PCGF3: variants seen among roughly 807,000 people sequenced by gnomAD.
PCGF3 encodes polycomb group ring finger 3, also known as polycomb group RING finger protein 3.
Under a neutral mutation model 33.1 loss-of-function variants are expected in PCGF3, and 7 were observed. The observed-to-expected ratio is 0.21, with a 90% CI of 0.12 to 0.40. PCGF3 has a LOEUF of 0.40. PCGF3 is among the 10% of genes least tolerant of loss of function. PCGF3 has a pLI of 1.00. For missense variants in PCGF3, 211 were observed against 313.3 expected (o/e 0.67, Z 2.46); for synonymous variants, 153 against 121.3 (o/e 1.26, Z -1.72).
chr4:757,512 C>G (rs980414235), intron 8 of PCGF3: 4 of 152,248 alleles, frequency 2.6e-5, no homozygotes, highest in African/African-American at 9.6e-5. Flanking sequence ...CCATGACATA[C>G]TAATCTAGCT....
At chr4:731,292 G>A in intron 3 of PCGF3, 182 bp downstream of exon 3, 1 of 398,602 alleles carries the variant, frequency 2.5e-6, no homozygotes, top group South Asian at 1.3e-4. Context: ...GCCAGCTGTG[G>A]GGGTCCCAGG....
chr4:742,652 C>G (rs1352917608), intron 6 of PCGF3, among the ~76,000 whole-genome samples: 2 of 152,224 alleles, frequency 1.3e-5, no homozygotes, highest in African/African-American at 4.8e-5. Context: ...GAGGTTCTGG[C>G]CAGCTCTTGC....
intron 1 of PCGF3, among the ~76,000 whole-genome samples, chr4:718,683 G>A (rs888076329): frequency 5.3e-5 from 8 of 152,174 alleles, no homozygotes; most frequent in Non-Finnish European, 7.4e-5. Context: ...CTCTAATGCA[G>A]GCAACACCCT....
chr4:763,951 C>T (rs892337971), intron 9 of PCGF3, among the ~76,000 whole-genome samples: 7 of 152,152 alleles, frequency 4.6e-5, no homozygotes, highest in African/African-American at 1.2e-4. Context: ...AGAGAAGCCC[C>T]TCTGAAAAGG....
At chr4:723,433 G>C (rs1029373642) in intron 1 of PCGF3, among the ~76,000 whole-genome samples, 11 of 152,224 alleles carry the variant, frequency 7.2e-5, no homozygotes, top group Admixed American at 5.9e-4. Context: ...TGGGTGACCA[G>C]AGTGGGGTGC....
chr4:755,832 T>G (rs77937203), intron 8 of PCGF3, among the ~76,000 whole-genome samples: 3,309 of 151,938 alleles, frequency 0.022, 57 homozygotes, highest in Non-Finnish European at 0.034. Context: ...TTGCAATGAT[T>G]TATTTTACCA....
chr4:716,321 T>A (rs1742835578), intron 1 of PCGF3, among the ~76,000 whole-genome samples: 1 of 140,374 alleles, frequency 7.1e-6, no homozygotes. Flanking sequence ...TGGGACCCTG[T>A]GGACACTGCG....
rs899515328 is a variant in PCGF3 at position 751,785 on chromosome 4, G to T, written c.462+7097G>T. On this transcript the variant is annotated intron_variant, in intron 8 of 10. Transcript: ENST00000362003. ...ACCCCTGGCTGGGCTCCAGCTCTAG[G>T]TTTGTTCAGCAGCCAACTCAGAGCA... Among the ~76,000 whole-genome samples the T allele has an allele frequency of 7.9e-5, 12 of 152,338 alleles. 1 individual carries two copies. Among genetic ancestry groups the T allele is most frequent in the African/African-American group, 2.9e-4 (12 of 41,576 alleles).
chr4:751,760 AC>A (rs1744524365), intron 8 of PCGF3, among the ~76,000 whole-genome samples: 1 of 152,162 alleles, frequency 6.6e-6, no homozygotes, highest in African/African-American at 2.4e-5. Context: ...TGGCCCTCCC[AC>A]CCCTGGCTGG....
chr4:739,385 T>C (rs1743986600), intron 6 of PCGF3, among the ~76,000 whole-genome samples: 1 of 151,996 alleles, frequency 6.6e-6, no homozygotes, highest in African/African-American at 2.4e-5. Context: ...AGGGATAGGG[T>C]TTTGCTGTGT....
exon 11 of PCGF3, chr4:766,219 A>G: frequency 1.5e-6 from 1 of 656,524 alleles, no homozygotes; most frequent in East Asian, 2.8e-5. Context: ...TATGAGAGAG[A>G]ATTCACACTC....
intron 1 of PCGF3, among the ~76,000 whole-genome samples, chr4:711,942 ACT>A (rs1192705547): frequency 2.1e-5 from 3 of 140,506 alleles, no homozygotes; most frequent in East Asian, 2.2e-4. Context: ...GAAGAGTGAG[ACT>A]CTGTCTGAAA....
At chr4:765,949 T>C in intron 10 of PCGF3, 83 bp from the exon 11 acceptor site, 1 of 1,298,382 alleles carries the variant, frequency 7.7e-7, no homozygotes, top group Non-Finnish European at 1.1e-6. Flanking sequence ...GGGACGTGAT[T>C]CCTCAGCACC....
intron 8 of PCGF3, among the ~76,000 whole-genome samples, chr4:760,422 G>C (rs1350122577): frequency 6.9e-6 from 1 of 144,458 alleles, no homozygotes; most frequent in African/African-American, 2.6e-5. Context: ...AGAATCTGTG[G>C]TTCAGCCATC....
rs1577400819 is a variant in PCGF3 at position 720,820 on chromosome 4, G to A, written c.-189-9810G>A. On this transcript the variant is annotated intron_variant, in intron 1 of 10. Coordinates refer to ENST00000362003, the Ensembl canonical transcript of PCGF3. This position sits in a 1 kb window ranked among gnomAD's most constrained non-coding sequence, Gnocchi z 5.6. ...GCATGGGAAGCAGAGGGTGAGGCTC[G>A]GCTCTGCTGTCAGGAGGACATGTCA... is the stretch of plus-strand genomic sequence containing the variant. 1.3e-5 allele frequency among the ~76,000 whole-genome samples: 2 copies of A among 152,176 alleles called. No individual in the cohort carries two copies. Among genetic ancestry groups the A allele is most frequent in the African/African-American group, 2.4e-5 (1 of 41,446 alleles).
intron 10 of PCGF3, 150 bp downstream of exon 10, chr4:765,214 A>G (rs970671300): frequency 3.4e-6 from 2 of 590,996 alleles, no homozygotes; most frequent in Non-Finnish European, 6.2e-6. Flanking sequence ...CGGGCGGATC[A>G]CGAGGTCAGG....
At chr4:713,275 T>C (rs28576582) in intron 1 of PCGF3, among the ~76,000 whole-genome samples, 25 of 66,402 alleles carry the variant, frequency 3.8e-4, no homozygotes, top group African/African-American at 1.0e-3. Context: ...TCCTGTGTGG[T>C]CTGGTGGGGG....
chr4:769,009 GGTTTTTC>G (rs1310290511), exon 11 of PCGF3: 1 of 152,686 alleles, frequency 6.5e-6, no homozygotes, highest in Non-Finnish European at 1.5e-5. Context: ...TCAGCTGTTT[GGTTTTTC>G]GTTTTTCATT....
At chr4:733,288 G>A (rs996721248) in intron 3 of PCGF3, among the ~76,000 whole-genome samples, 5 of 152,218 alleles carry the variant, frequency 3.3e-5, no homozygotes, top group Admixed American at 6.5e-5. Context: ...CATCCCACCC[G>A]GCAGCTCTGC....
Sources: allele counts gnomAD v4.1 joint callset (sites outside exome capture counted in the v4.1 genomes callset), GRCh38; gene constraint gnomAD v4.1.1; non-coding constraint Gnocchi (gnomAD v3.1); transcripts MANE v1.5; gene names NCBI Gene and HGNC (gene_info 2026-07-23, HGNC 2026-07-21).